DPH7: variants seen among roughly 807,000 people sequenced by gnomAD.
The protein encoded by DPH7 is diphthine methyltransferase.
Under a neutral mutation model 41.7 loss-of-function variants are expected in DPH7, and 44 were observed. The observed-to-expected ratio is 1.05, with a 90% CI of 0.83 to 1.36. The LOEUF (loss-of-function observed/expected upper bound fraction) is 1.36, where lower values mean the gene tolerates loss of function less well. Among genes scored for constraint, DPH7 ranks in the 40% most tolerant of loss-of-function variants. The probability of loss-of-function intolerance (pLI) is 0.00; values close to 1 mark genes in which losing one functional copy is unlikely to be tolerated. For missense variants in DPH7, 629 were observed against 577.5 expected, an observed-to-expected ratio of 1.09 and a Z score of -0.91; for synonymous variants, 275 against 238.0, an observed-to-expected ratio of 1.16 and a Z score of -1.43.
intron 8 of DPH7, among the ~76,000 whole-genome samples, chr9:137,563,928 C>G (rs1251859569): frequency 5.9e-5 from 9 of 152,198 alleles, no homozygotes; most frequent in Non-Finnish European, 5.9e-5. Context: ...ACGTGGACAG[C>G]TGATTCCAGC....
At chr9:137,560,487 G>A (rs746810461) in intron 8 of DPH7, among the ~76,000 whole-genome samples, 3 of 152,150 alleles carry the variant, frequency 2.0e-5, no homozygotes, top group African/African-American at 4.8e-5. Context: ...TTGGGAGGCC[G>A]AGGCAGGCAG....
chr9:137,572,032 C>T (rs911798554), intron 5 of DPH7, among the ~76,000 whole-genome samples: 2 of 152,082 alleles, frequency 1.3e-5, no homozygotes, highest in African/African-American at 2.4e-5. Context: ...GGCTCTCAGA[C>T]GGTTCAAGGC....
chr9:137,556,606 G>A lies in DPH7; in HGVS notation c.950-958C>T. ...CCAGGGCTTCAACTGGGCAGAGGTG[G>A]CTCCGAGGAGGAGTGAGATGCTGAA... is the stretch of plus-strand genomic sequence containing the variant. On this transcript the variant is annotated intron_variant, in intron 8 of 8. Coordinates refer to ENST00000277540, the MANE Select transcript of DPH7 (RefSeq NM_138778.5). The surrounding 1 kb of genome is among the most constrained non-coding windows in gnomAD (Gnocchi z 5.2). 2.9e-6 allele frequency: 1 copy of A among 343,048 alleles called. No homozygotes were observed. The highest frequency in any genetic ancestry group is 8.1e-5 in the East Asian group (1 of 12,358). 21.3% of individuals were successfully genotyped at this position (343,048 alleles called of 1,614,324 possible). A position where few individuals can be genotyped will look rare whatever the true frequency, so the allele number is the denominator to read the frequency against.
chr9:137,564,756 C>G, intron 7 of DPH7, 137 bp downstream of exon 7: 1 of 1,425,536 alleles, frequency 7.0e-7, no homozygotes, highest in Non-Finnish European at 9.7e-7. Flanking sequence ...TATACCTACA[C>G]TCCGGCGAAG....
At chr9:137,576,617 G>A (rs1023838453) in intron 2 of DPH7, among the ~76,000 whole-genome samples, 2 of 152,154 alleles carry the variant, frequency 1.3e-5, no homozygotes, top group African/African-American at 4.8e-5. Context: ...AAGGCCAGGC[G>A]TCGTGGCTCA....
chr9:137,559,613 A>G (rs1838160188), intron 8 of DPH7, among the ~76,000 whole-genome samples: 1 of 152,238 alleles, frequency 6.6e-6, no homozygotes, highest in South Asian at 2.1e-4. Flanking sequence ...GCAGTAGTCA[A>G]TTAGTGAAAG....
intron 1 of DPH7, 41 bp from the exon 2 acceptor site, chr9:137,577,644 A>G: frequency 6.2e-7 from 1 of 1,601,874 alleles, no homozygotes; most frequent in South Asian, 1.1e-5. Context: ...ATCCCAAGAC[A>G]CGAAGGAACC....
At chr9:137,557,595 G>A (rs530841422) in intron 8 of DPH7, among the ~76,000 whole-genome samples, 1 of 152,160 alleles carries the variant, frequency 6.6e-6, no homozygotes, top group South Asian at 2.1e-4. Context: ...GAGGCAGGTG[G>A]ATCACATGAG....
In DPH7 at chr9:137,556,892, CG is replaced by C. The variant is rs1837604416; in HGVS notation, c.950-1245del. On this transcript the variant is annotated intron_variant, in intron 8 of 8. Coordinates refer to ENST00000277540, the MANE Select transcript of DPH7 (RefSeq NM_138778.5). The surrounding 1 kb of genome is among the most constrained non-coding windows in gnomAD (Gnocchi z 5.2). ...GGGAAAAAGACAGCGAATGAGTGGACGGAAGACACTGTTGCGACCCCAAGAA... is the reference window on the plus strand; with the variant it reads ...GGGAAAAAGACAGCGAATGAGTGGACGAAGACACTGTTGCGACCCCAAGAA... 1 of 456,546 alleles carries C rather than the reference CG, an allele frequency of 2.2e-6. No homozygotes were observed. The highest frequency in any genetic ancestry group is 4.4e-6 in the Non-Finnish European group (1 of 226,964). The allele number at this position is 456,546 out of a possible 1,614,324, so 28.3% of individuals were successfully genotyped here.
intron 7 of DPH7, 32 bp from the exon 8 acceptor site, chr9:137,564,638 G>C: frequency 6.3e-7 from 1 of 1,595,770 alleles, no homozygotes; most frequent in Non-Finnish European, 8.6e-7. Context: ...AGGCATATAA[G>C]GAAAGCCCAG....
At chr9:137,562,716 C>T (rs1838838933) in intron 8 of DPH7, among the ~76,000 whole-genome samples, 1 of 150,650 alleles carries the variant, frequency 6.6e-6, no homozygotes, top group Non-Finnish European at 1.5e-5. Flanking sequence ...TGGCTCATGC[C>T]TGTACTTTGG....
Position 137,556,974 on chromosome 9 carries a change from C to T in DPH7, c.950-1326G>A. ...AACGTTTCCTCCCTCTTTTTATTTT[C>T]AAGACAGGACCTCACTCTGTCGCAT... On this transcript the variant is annotated intron_variant, in intron 8 of 8. Transcript: ENST00000277540. This position sits in a 1 kb window ranked among gnomAD's most constrained non-coding sequence, Gnocchi z 5.2. 1 of 450,190 alleles carries T rather than the reference C, an allele frequency of 2.2e-6. No homozygotes were observed. Among genetic ancestry groups the T allele is most frequent in the Non-Finnish European group, 4.5e-6 (1 of 223,742 alleles). 27.9% of individuals were successfully genotyped at this position (450,190 alleles called of 1,614,324 possible).
At position 137,555,268 on chromosome 9, in the gene DPH7, G is replaced by A. The variant is rs1413414334; in HGVS notation, c.1330C>T (p.Leu444Phe). The change falls in exon 9 of 9, where the codon CTC (leucine) becomes TTC (phenylalanine). Residue 444 changes from leucine to phenylalanine, a missense_variant. By Grantham distance (22) the Leu-to-Phe change is conservative (BLOSUM62 0). Transcript: ENST00000277540. ...TTCCCCTCCCACTCCCAGAGGTGGA[G>A]CGCATGGTCATAGAAGGAGCAGGTG... Reference protein sequence around the residue: ...LATCSFYDHALHLWEWEGN With the variant: ...LATCSFYDHAFHLWEWEGN 13 of 1,610,510 alleles carry A rather than the reference G, an allele frequency of 8.1e-6. No individual in the cohort carries two copies. Among genetic ancestry groups the A allele is most frequent in the South Asian group, 2.2e-5 (2 of 90,660 alleles).
At chr9:137,565,208 TCA>T (rs1839404841) in intron 5 of DPH7, 54 bp from the exon 6 acceptor site, 4 of 1,589,368 alleles carry the variant, frequency 2.5e-6, no homozygotes, top group Non-Finnish European at 3.5e-6. Flanking sequence ...ATGAGTGTTC[TCA>T]GTTAGGCCGT....
At chr9:137,578,197 C>T (rs1308941095) in intron 1 of DPH7, 6 of 156,136 alleles carry the variant, frequency 3.8e-5, no homozygotes, top group Non-Finnish European at 5.6e-5. Context: ...TGTAGTCTTG[C>T]TGTATCGCCC....
chr9:137,558,677 G>A (rs1427009733), intron 8 of DPH7, among the ~76,000 whole-genome samples: 1 of 152,206 alleles, frequency 6.6e-6, no homozygotes, highest in Non-Finnish European at 1.5e-5. Flanking sequence ...TGTTTGGGGT[G>A]ATAGAAAAGT....
intron 1 of DPH7, 37 bp downstream of exon 1, chr9:137,578,588 G>GGCC: frequency 7.0e-7 from 1 of 1,436,782 alleles, no homozygotes. Flanking sequence ...CTCGTGGCCG[G>GGCC]CCCCGCCCTC....
chr9:137,562,742 G>A (rs866594), intron 8 of DPH7, among the ~76,000 whole-genome samples: 4,357 of 152,026 alleles, frequency 0.029, 219 homozygotes, highest in African/African-American at 0.099. Context: ...CAAGGTGGGC[G>A]GATCACCTGA....
At chr9:137,564,718 G>T (rs1182384419) in intron 7 of DPH7, 112 bp from the exon 8 acceptor site, 7 of 1,480,218 alleles carry the variant, frequency 4.7e-6, no homozygotes, top group Non-Finnish European at 6.5e-6. Context: ...TGCATCCCTC[G>T]AGGACAAAGT....
Sources: allele counts gnomAD v4.1 joint callset (sites outside exome capture counted in the v4.1 genomes callset), GRCh38; gene constraint gnomAD v4.1.1; non-coding constraint Gnocchi (gnomAD v3.1); transcripts MANE v1.5; gene names NCBI Gene and HGNC (gene_info 2026-07-23, HGNC 2026-07-21).